CELF2: variants seen among roughly 807,000 people sequenced by gnomAD.
The protein encoded by CELF2 is CUGBP Elav-like family member 2.
A neutral mutation model predicts 62.6 loss-of-function variants in CELF2; 8 were observed. The observed-to-expected ratio is 0.13, with a 90% CI of 0.07 to 0.23. The LOEUF (loss-of-function observed/expected upper bound fraction) is 0.23, where lower values mean the gene tolerates loss of function less well. Among genes scored for constraint, CELF2 ranks in the 10% least tolerant of loss-of-function variants. The pLI is 1.00. For synonymous variants in CELF2, 258 were observed against 250.0 expected, an observed-to-expected ratio of 1.03 and a Z score of -0.30; for missense variants, 333 against 671.0, an observed-to-expected ratio of 0.50 and a Z score of 5.56.
intron 1 of CELF2, among the ~76,000 whole-genome samples, chr10:11,049,157 A>T (rs1371987749): frequency 6.6e-6 from 1 of 152,180 alleles, no homozygotes; most frequent in African/African-American, 2.4e-5. Flanking sequence ...TGCTTAAAAA[A>T]AAAATCAGCT....
At chr10:11,239,598 G>A (rs1277587722) in intron 3 of CELF2, among the ~76,000 whole-genome samples, 1 of 152,188 alleles carries the variant, frequency 6.6e-6, no homozygotes, top group Non-Finnish European at 1.5e-5. Context: ...ATGGCTATCA[G>A]GAAAAAGTTG....
intron 2 of CELF2, among the ~76,000 whole-genome samples, chr10:11,196,267 AGGCAGCTTAGCTCCTGCTGT>A (rs1383438803): frequency 1.3e-5 from 2 of 152,262 alleles, no homozygotes; most frequent in African/African-American, 4.8e-5. Context: ...AACTTGCTGC[AGGCAGCTTAGCTCCTGCTGT>A]GGTGGATTGG....
the CELF2 span, among the ~76,000 whole-genome samples, chr10:10,507,541 A>G: frequency 6.6e-6 from 1 of 152,196 alleles, no homozygotes; most frequent in African/African-American, 2.4e-5. Flanking sequence ...AGTCCAGAGG[A>G]TATAGTAGGG....
At chr10:10,504,151 A>G in the CELF2 span, among the ~76,000 whole-genome samples, 1 of 152,120 alleles carries the variant, frequency 6.6e-6, no homozygotes, top group Non-Finnish European at 1.5e-5. Flanking sequence ...TGTATTAACT[A>G]CATTATTGCT....
chr10:11,271,939 C>T (rs2083955315), intron 7 of CELF2, among the ~76,000 whole-genome samples: 2 of 152,144 alleles, frequency 1.3e-5, no homozygotes, highest in Non-Finnish European at 2.9e-5. Context: ...CGTAACGTTA[C>T]CCAGAATCAA....
the CELF2 span, among the ~76,000 whole-genome samples, chr10:10,719,294 T>C: frequency 7.2e-5 from 11 of 152,154 alleles, no homozygotes; most frequent in African/African-American, 9.7e-5. Flanking sequence ...GGTCTCACTC[T>C]ATGGCCCAAG....
intron 1 of CELF2, among the ~76,000 whole-genome samples, chr10:11,043,269 G>C (rs931108347): frequency 1.3e-5 from 2 of 152,206 alleles, no homozygotes; most frequent in Non-Finnish European, 2.9e-5. Flanking sequence ...ATTAGGCAGG[G>C]CCAGGGCTGG....
chr10:11,069,836 C>G (rs1291861), intron 1 of CELF2, among the ~76,000 whole-genome samples: 57,017 of 152,116 alleles, frequency 0.37, 11,466 homozygotes, highest in African/African-American at 0.5. Context: ...GCGTTTTGAT[C>G]ATGCAGCTAC....
the CELF2 span, among the ~76,000 whole-genome samples, chr10:10,560,166 A>T: frequency 6.6e-6 from 1 of 152,204 alleles, no homozygotes; most frequent in African/African-American, 2.4e-5. Context: ...AGTACCCTGT[A>T]GTCAACTCGA....
At chr10:11,057,493 T>A (rs139400723) in intron 1 of CELF2, among the ~76,000 whole-genome samples, 34 of 152,324 alleles carry the variant, frequency 2.2e-4, no homozygotes, top group Admixed American at 1.2e-3. Context: ...TATAAACAAC[T>A]ACTCACCATG....
the CELF2 span, among the ~76,000 whole-genome samples, chr10:10,773,546 G>A: frequency 6.6e-6 from 1 of 152,148 alleles, no homozygotes; most frequent in African/African-American, 2.4e-5. Flanking sequence ...AAAAATATAA[G>A]ACTGACTATT....
At chr10:10,711,275 G>A in the CELF2 span, among the ~76,000 whole-genome samples, 1 of 152,212 alleles carries the variant, frequency 6.6e-6, no homozygotes, top group Admixed American at 6.5e-5. Flanking sequence ...GTATATGACA[G>A]ATGCTGTCAG....
At chr10:11,139,795 C>T (rs1332710904) in intron 1 of CELF2, among the ~76,000 whole-genome samples, 2 of 152,088 alleles carry the variant, frequency 1.3e-5, no homozygotes, top group Non-Finnish European at 2.9e-5. Flanking sequence ...CTTTACCTCT[C>T]CCCGTTTCCT....
chr10:10,690,404 A>G, the CELF2 span, among the ~76,000 whole-genome samples: 42,463 of 152,106 alleles, frequency 0.28, 6,144 homozygotes, highest in South Asian at 0.47. Context: ...AAGTGTTATC[A>G]TGTGTATGTG....
At chr10:11,108,575 G>T (rs944987541) in intron 1 of CELF2, among the ~76,000 whole-genome samples, 1 of 152,150 alleles carries the variant, frequency 6.6e-6, no homozygotes, top group African/African-American at 2.4e-5. Context: ...TGGCGGGAGG[G>T]TTCATCTGGT....
chr10:11,262,904 G>GC (rs1043487333), intron 5 of CELF2, among the ~76,000 whole-genome samples: 3 of 129,216 alleles, frequency 2.3e-5, no homozygotes, highest in African/African-American at 8.8e-5. Context: ...AAAGCAAGAG[G>GC]CCCTGGCATT....
At chr10:10,495,729 C>T in the CELF2 span, among the ~76,000 whole-genome samples, 1 of 152,180 alleles carries the variant, frequency 6.6e-6, no homozygotes, top group Non-Finnish European at 1.5e-5. Context: ...ATGTTTAATG[C>T]ACAATGGACC....
At chr10:10,548,027 G>C in the CELF2 span, among the ~76,000 whole-genome samples, 1 of 152,126 alleles carries the variant, frequency 6.6e-6, no homozygotes, top group Non-Finnish European at 1.5e-5. Context: ...ACCTTTTTAT[G>C]AGCTCAGCTT....
intron 1 of CELF2, among the ~76,000 whole-genome samples, chr10:10,837,241 G>A (rs1303938383): frequency 6.6e-6 from 1 of 152,186 alleles, no homozygotes; most frequent in African/African-American, 2.4e-5. Context: ...GGATTGTAGT[G>A]AATAAGTCTC....
Sources: allele counts gnomAD v4.1 joint callset (sites outside exome capture counted in the v4.1 genomes callset), GRCh38; gene constraint gnomAD v4.1.1; transcripts MANE v1.5; gene names NCBI Gene and HGNC (gene_info 2026-07-23, HGNC 2026-07-21).